TUSC3: variants seen among roughly 807,000 people sequenced by gnomAD.
TUSC3 encodes tumor suppressor candidate 3, also known as dolichyl-diphosphooligosaccharide--protein glycosyltransferase subunit TUSC3.
In TUSC3, 45 loss-of-function variants were observed where a neutral mutation model predicts 44.8. The ratio of observed to expected loss-of-function variants is 1.00; its 90% CI spans 0.79 to 1.29. The LOEUF is 1.29. Ranked by LOEUF, TUSC3 falls within the 50% of genes most tolerant of loss-of-function variation. The pLI, the probability that TUSC3 is intolerant of heterozygous loss-of-function variation, is 0.00. For missense variants in TUSC3, 519 were observed against 437.9 expected (o/e 1.19, Z -1.65); for synonymous variants, 212 against 152.9 (o/e 1.39, Z -2.85).
chr8:15,648,249 T>A (rs1806716833), intron 2 of TUSC3, among the ~76,000 whole-genome samples: 1 of 152,182 alleles, frequency 6.6e-6, no homozygotes, highest in African/African-American at 2.4e-5. Context: ...TCGAAATCTA[T>A]ATAAGTGCTC....
intron 1 of TUSC3, among the ~76,000 whole-genome samples, chr8:15,559,141 G>T (rs1802368948): frequency 7.0e-6 from 1 of 143,776 alleles, no homozygotes; most frequent in South Asian, 2.4e-4. Flanking sequence ...TGGGCATTTA[G>T]TGCTATAAAT....
intron 1 of TUSC3, among the ~76,000 whole-genome samples, chr8:15,622,188 C>T (rs907511580): frequency 6.6e-6 from 1 of 152,152 alleles, no homozygotes; most frequent in Non-Finnish European, 1.5e-5. Flanking sequence ...TTTAAAATGG[C>T]AGGCAGTTTC....
At chr8:15,598,551 G>A (rs1300410139) in intron 1 of TUSC3, among the ~76,000 whole-genome samples, 1 of 151,096 alleles carries the variant, frequency 6.6e-6, no homozygotes, top group East Asian at 2.0e-4. Flanking sequence ...TTAATGAAAT[G>A]TATCCATCAT....
At chr8:15,558,996 A>G (rs78316810) in intron 1 of TUSC3, among the ~76,000 whole-genome samples, 23,445 of 147,046 alleles carry the variant, frequency 0.16, 2,520 homozygotes, top group Non-Finnish European at 0.22. Context: ...TTGTGTCTCT[A>G]TTTCCTTCAG....
intron 1 of TUSC3, among the ~76,000 whole-genome samples, chr8:15,430,324 A>G (rs1799856579): frequency 6.7e-6 from 1 of 149,944 alleles, no homozygotes. Flanking sequence ...CTGGTTCAAC[A>G]TAAACAAATC....
chr8:15,692,703 C>G (rs766039158), intron 6 of TUSC3, among the ~76,000 whole-genome samples: 9 of 151,218 alleles, frequency 6.0e-5, no homozygotes, highest in Non-Finnish European at 1.3e-4. Context: ...CGTAGCACCC[C>G]CTTTGTCATT....
intron 1 of TUSC3, among the ~76,000 whole-genome samples, chr8:15,455,179 G>A (rs970004536): frequency 2.6e-5 from 4 of 152,110 alleles, no homozygotes; most frequent in Non-Finnish European, 2.9e-5. Context: ...TCCTAGAAAA[G>A]TAAACACATA....
At chr8:15,494,438 C>T (rs1265484298) in intron 2 of TUSC3, among the ~76,000 whole-genome samples, 2 of 151,964 alleles carry the variant, frequency 1.3e-5, no homozygotes, top group Non-Finnish European at 2.9e-5. Context: ...CTGCCTCAGC[C>T]TCCGGAGTAG....
chr8:15,686,491 AT>A (rs535686493), intron 6 of TUSC3, among the ~76,000 whole-genome samples: 8 of 148,906 alleles, frequency 5.4e-5, no homozygotes, highest in East Asian at 4.0e-4. Flanking sequence ...TCATCGAGGC[AT>A]TTTTTTTTTC....
intron 1 of TUSC3, among the ~76,000 whole-genome samples, chr8:15,572,899 G>A (rs1054282717): frequency 6.6e-6 from 1 of 151,966 alleles, no homozygotes; most frequent in Non-Finnish European, 1.5e-5. Context: ...AATCACAAAA[G>A]TGACATCAAA....
chr8:15,556,009 T>A (rs144349156), intron 1 of TUSC3, among the ~76,000 whole-genome samples: 29,610 of 148,540 alleles, frequency 0.2, 3,332 homozygotes, highest in South Asian at 0.25. Flanking sequence ...TTATTTTTTA[T>A]TTTTTTTTTA....
intron 6 of TUSC3, among the ~76,000 whole-genome samples, chr8:15,682,423 T>A (rs1322799585): frequency 6.6e-6 from 1 of 152,182 alleles, no homozygotes. Context: ...GTAATTACCT[T>A]CTTTGTCCTT....
At chr8:15,513,617 G>T (rs2129128445) in intron 2 of TUSC3, among the ~76,000 whole-genome samples, 1 of 152,250 alleles carries the variant, frequency 6.6e-6, no homozygotes, top group African/African-American at 2.4e-5. Flanking sequence ...AGATTTAATG[G>T]TGGTCAAGTG....
the TUSC3 span, among the ~76,000 whole-genome samples, chr8:15,808,046 A>T: frequency 1.3e-5 from 2 of 152,222 alleles, no homozygotes. Flanking sequence ...TAAAAACTTT[A>T]TGCTAGTATA....
At chr8:15,436,830 G>C (rs1799953177) in intron 1 of TUSC3, among the ~76,000 whole-genome samples, 1 of 152,162 alleles carries the variant, frequency 6.6e-6, no homozygotes, top group African/African-American at 2.4e-5. Context: ...TCATAAGCCT[G>C]TGTATAGGAA....
intron 10 of TUSC3, 60 bp from the exon 11 acceptor site, chr8:15,764,143 A>G (rs887930546): frequency 1.4e-6 from 2 of 1,436,824 alleles, no homozygotes; most frequent in Non-Finnish European, 1.9e-6. Context: ...GGAATAACAA[A>G]CATATTGTAT....
chr8:15,569,810 G>A (rs1411358685), intron 1 of TUSC3, among the ~76,000 whole-genome samples: 1 of 151,990 alleles, frequency 6.6e-6, no homozygotes, highest in Non-Finnish European at 1.5e-5. Flanking sequence ...TTCAAATACC[G>A]TGTCACACTC....
intron 1 of TUSC3, among the ~76,000 whole-genome samples, chr8:15,612,454 AT>A (rs1804805465): frequency 6.6e-6 from 1 of 152,170 alleles, no homozygotes; most frequent in African/African-American, 2.4e-5. Context: ...GCAATGTACT[AT>A]TTCTTGTATT....
chr8:15,568,977 CTA>C (rs1460437191), intron 1 of TUSC3, among the ~76,000 whole-genome samples: 1 of 151,878 alleles, frequency 6.6e-6, no homozygotes, highest in African/African-American at 2.4e-5. Flanking sequence ...GAGGAAATAA[CTA>C]TTTTGTTTAG....
Sources: gnomAD v4.1 joint callset for allele counts (sites outside exome capture counted in the v4.1 genomes callset) on GRCh38, gnomAD v4.1.1 for gene constraint, MANE v1.5 for transcripts, NCBI Gene and HGNC (gene_info 2026-07-23, HGNC 2026-07-21) for gene names.